FCHO2: variants seen among roughly 807,000 people sequenced by gnomAD.
The protein encoded by FCHO2 is F-BAR domain only protein 2.
FCHO2 carries 43 observed loss-of-function variants against 114.1 expected under a neutral mutation model. The observed-to-expected ratio is 0.38, with a 90% confidence interval of 0.30 to 0.49. FCHO2 has a LOEUF of 0.49. Among genes scored for constraint, FCHO2 ranks in the 20% least tolerant of loss-of-function variants. The probability of loss-of-function intolerance (pLI) is 0.97; values close to 1 mark genes in which losing one functional copy is unlikely to be tolerated. For missense variants in FCHO2, 807 were observed against 950.4 expected, an observed-to-expected ratio of 0.85 and a Z score of 1.98; for synonymous variants, 293 against 315.2, an observed-to-expected ratio of 0.93 and a Z score of 0.75.
chr5:73,011,533 ATAGGCT>A (rs1425581516), intron 6 of FCHO2, among the ~76,000 whole-genome samples: 1 of 152,064 alleles, frequency 6.6e-6, no homozygotes, highest in Admixed American at 6.5e-5. Flanking sequence ...ATGTGCCTAC[ATAGGCT>A]TAGTATCATT....
chr5:73,004,957 A>G (rs542603250), intron 5 of FCHO2, among the ~76,000 whole-genome samples: 2 of 152,318 alleles, frequency 1.3e-5, no homozygotes, highest in East Asian at 3.9e-4. Context: ...ATGGCTTCAG[A>G]CATCTACTGG....
At chr5:73,059,884 T>C (rs1225029998) in intron 17 of FCHO2, among the ~76,000 whole-genome samples, 1 of 152,032 alleles carries the variant, frequency 6.6e-6, no homozygotes, top group Non-Finnish European at 1.5e-5. Flanking sequence ...TTTTGTTTAG[T>C]AAAAATGTCA....
At chr5:72,960,764 G>A (rs905667568) in intron 1 of FCHO2, among the ~76,000 whole-genome samples, 8 of 151,988 alleles carry the variant, frequency 5.3e-5, no homozygotes, top group African/African-American at 1.9e-4. Context: ...ATTATTAATG[G>A]GGGACAAATA....
At chr5:73,022,955 A>T (rs890317586) in intron 8 of FCHO2, among the ~76,000 whole-genome samples, 30 of 148,828 alleles carry the variant, frequency 2.0e-4, no homozygotes, top group African/African-American at 2.2e-4. Flanking sequence ...AGTAGAACTT[A>T]TTTTTTTTTT....
At chr5:72,991,784 G>A (rs1042384683) in intron 5 of FCHO2, among the ~76,000 whole-genome samples, 1 of 152,260 alleles carries the variant, frequency 6.6e-6, no homozygotes, top group African/African-American at 2.4e-5. Context: ...TGTACCAATT[G>A]TATGATTATG....
chr5:72,960,349 G>A (rs1219897092), intron 1 of FCHO2, among the ~76,000 whole-genome samples: 1 of 152,116 alleles, frequency 6.6e-6, no homozygotes, highest in Non-Finnish European at 1.5e-5. Context: ...CAGGTGTTTT[G>A]TTATTGATAA....
At chr5:72,964,340 TG>T (rs989228123) in intron 1 of FCHO2, among the ~76,000 whole-genome samples, 6 of 152,208 alleles carry the variant, frequency 3.9e-5, no homozygotes, top group African/African-American at 1.4e-4. Flanking sequence ...GAGTCACTTT[TG>T]TACCTGCATC....
intron 8 of FCHO2, among the ~76,000 whole-genome samples, chr5:73,027,463 T>G (rs1257732890): frequency 6.6e-6 from 1 of 152,000 alleles, no homozygotes; most frequent in Admixed American, 6.6e-5. Context: ...TATGCTTTTG[T>G]GTCAAATACA....
At chr5:73,029,273 T>G (rs866532509) in intron 8 of FCHO2, among the ~76,000 whole-genome samples, 11 of 152,158 alleles carry the variant, frequency 7.2e-5, no homozygotes, top group Non-Finnish European at 1.3e-4. Flanking sequence ...CTTATAGACA[T>G]AAGTACTATA....
chr5:73,018,362 T>TTA (rs1349984403), intron 8 of FCHO2, among the ~76,000 whole-genome samples: 1 of 152,222 alleles, frequency 6.6e-6, no homozygotes, highest in Non-Finnish European at 1.5e-5. Context: ...ATTTTACATG[T>TTA]TATAGCACAC....
intron 15 of FCHO2, 57 bp from the exon 16 acceptor site, chr5:73,056,008 A>G: frequency 8.1e-7 from 1 of 1,236,332 alleles, no homozygotes; most frequent in South Asian, 1.4e-5. Flanking sequence ...TCTGTTTTTC[A>G]TTAAAATATT....
intron 11 of FCHO2, among the ~76,000 whole-genome samples, chr5:73,043,972 G>A (rs1205914398): frequency 6.6e-6 from 1 of 152,172 alleles, no homozygotes; most frequent in African/African-American, 2.4e-5. Flanking sequence ...GAAGGGATTG[G>A]TGGGAGGCAA....
intron 16 of FCHO2, among the ~76,000 whole-genome samples, chr5:73,057,101 A>AT (rs1580178808): frequency 2.8e-5 from 3 of 107,496 alleles, no homozygotes; most frequent in Admixed American, 7.9e-5. Context: ...TTTTTTTCAA[A>AT]ATTTTTTTTT....
At chr5:73,037,542 T>C (rs1756581570) in intron 10 of FCHO2, among the ~76,000 whole-genome samples, 1 of 152,106 alleles carries the variant, frequency 6.6e-6, no homozygotes, top group Non-Finnish European at 1.5e-5. Flanking sequence ...AAACTAAAAA[T>C]TCATCAAAGT....
chr5:73,070,232 A>G (rs915659423), intron 19 of FCHO2, among the ~76,000 whole-genome samples: 4 of 152,130 alleles, frequency 2.6e-5, no homozygotes, highest in African/African-American at 7.2e-5. Context: ...AGGCTCACAT[A>G]GGAGAAATGC....
intron 8 of FCHO2, among the ~76,000 whole-genome samples, chr5:73,018,680 A>G (rs1755446903): frequency 6.6e-6 from 1 of 152,184 alleles, no homozygotes; most frequent in Non-Finnish European, 1.5e-5. Context: ...GAGCCTCTGA[A>G]GTACCTCTCT....
At position 73,088,230 on chromosome 5, in the gene FCHO2, G is replaced by A. The variant is rs1480010724; in HGVS notation, c.*140G>A. The A allele has an allele frequency of 9.0e-6, 10 of 1,106,106 alleles. No individual in the cohort carries two copies. Among genetic ancestry groups the A allele is most frequent in the East Asian group, 7.8e-5 (3 of 38,434 alleles). 68.5% of individuals were successfully genotyped at this position (1,106,106 alleles called of 1,614,324 possible). Reference sequence around the variant, plus strand: ...GAGAGCTGACTACAAACATTAAATCGCACTTTTAAAGTGAGTCATTGAAAT... The same window carrying A: ...GAGAGCTGACTACAAACATTAAATCACACTTTTAAAGTGAGTCATTGAAAT... On this transcript the variant is annotated 3_prime_UTR_variant, in exon 26 of 26. Transcript: ENST00000430046.
intron 6 of FCHO2, among the ~76,000 whole-genome samples, chr5:73,010,427 A>C (rs926364881): frequency 2.6e-5 from 4 of 152,148 alleles, no homozygotes; most frequent in African/African-American, 9.7e-5. Context: ...GAGATTTGTT[A>C]AGCAGTACCC....
At chr5:72,965,986 A>T (rs1752178019) in intron 1 of FCHO2, among the ~76,000 whole-genome samples, 1 of 152,194 alleles carries the variant, frequency 6.6e-6, no homozygotes, top group South Asian at 2.1e-4. Context: ...ACTTTTTGAA[A>T]AAAAGGAAAC....
Sources: allele counts gnomAD v4.1 joint callset (sites outside exome capture counted in the v4.1 genomes callset), GRCh38; gene constraint gnomAD v4.1.1; transcripts MANE v1.5; gene names NCBI Gene and HGNC (gene_info 2026-07-23, HGNC 2026-07-21).